Variants in SLIT3 observed in about 807,000 individuals in gnomAD.
The protein encoded by SLIT3 is slit guidance ligand 3.
SLIT3 carries 68 observed loss-of-function variants against 184.0 expected under a neutral mutation model. The ratio of observed to expected loss-of-function variants is 0.37; its 90% CI spans 0.30 to 0.45. The LOEUF is 0.45. SLIT3 is among the 20% of genes least tolerant of loss of function. The pLI, the probability that SLIT3 is intolerant of heterozygous loss-of-function variation, is 1.00. For missense variants in SLIT3, 1,707 were observed against 2,026.0 expected (o/e 0.84, Z 3.02); for synonymous variants, 831 against 828.6 (o/e 1.00, Z -0.05).
chr5:169,265,563 AG>A (rs1766365755), intron 1 of SLIT3, among the ~76,000 whole-genome samples: 1 of 152,196 alleles, frequency 6.6e-6, no homozygotes, highest in Non-Finnish European at 1.5e-5. Flanking sequence ...TTAAGGTGGC[AG>A]GCCCTAGAAT....
chr5:168,962,337 T>TAC (rs1194030123), intron 4 of SLIT3, among the ~76,000 whole-genome samples: 15 of 87,960 alleles, frequency 1.7e-4, no homozygotes, highest in African/African-American at 4.4e-4. Flanking sequence ...CACACACACA[T>TAC]ACACACACAC....
intron 3 of SLIT3, among the ~76,000 whole-genome samples, chr5:169,226,338 C>T (rs1389243494): frequency 6.6e-6 from 1 of 152,070 alleles, no homozygotes. Flanking sequence ...TCTGCAGCCC[C>T]TTTTCTTCCC....
intron 29 of SLIT3, among the ~76,000 whole-genome samples, chr5:168,688,642 A>G (rs1761816666): frequency 6.6e-6 from 1 of 152,234 alleles, no homozygotes; most frequent in African/African-American, 2.4e-5. Flanking sequence ...GATCTGACCA[A>G]TTCACGTTTA....
chr5:169,179,614 G>A (rs958433715), intron 4 of SLIT3, among the ~76,000 whole-genome samples: 2 of 150,196 alleles, frequency 1.3e-5, no homozygotes, highest in Admixed American at 1.3e-4. Context: ...CCCACTGTTG[G>A]AGTATGAAAT....
intron 5 of SLIT3, among the ~76,000 whole-genome samples, chr5:168,857,019 T>C (rs1487982797): frequency 6.6e-6 from 1 of 151,818 alleles, no homozygotes; most frequent in Non-Finnish European, 1.5e-5. Flanking sequence ...TAGTTTTCCT[T>C]CATGCTGTCT....
At chr5:169,172,911 A>C (rs945357585) in intron 4 of SLIT3, among the ~76,000 whole-genome samples, 2 of 152,320 alleles carry the variant, frequency 1.3e-5, no homozygotes, top group East Asian at 3.9e-4. Context: ...GAGCTAGAAG[A>C]AGTCTTTCTA....
chr5:168,700,828 G>A, intron 26 of SLIT3, 149 bp from the exon 27 acceptor site: 1 of 628,302 alleles, frequency 1.6e-6, no homozygotes, highest in Non-Finnish European at 2.9e-6. Flanking sequence ...TGTGTGACTT[G>A]GAGCCCACCC....
chr5:168,818,086 C>A (rs775573764), intron 7 of SLIT3, among the ~76,000 whole-genome samples: 3 of 152,118 alleles, frequency 2.0e-5, no homozygotes, highest in Non-Finnish European at 2.9e-5. Context: ...TCTTTCCACC[C>A]TCCCACTTAA....
At chr5:169,116,266 G>A (rs1363158650) in intron 4 of SLIT3, among the ~76,000 whole-genome samples, 1 of 152,226 alleles carries the variant, frequency 6.6e-6, no homozygotes, top group Non-Finnish European at 1.5e-5. Context: ...GCAGAGAGGT[G>A]AGCAGACAGG....
At chr5:168,922,021 C>A (rs1761651520) in intron 4 of SLIT3, among the ~76,000 whole-genome samples, 1 of 152,130 alleles carries the variant, frequency 6.6e-6, no homozygotes, top group Admixed American at 6.6e-5. Context: ...CATATACCAA[C>A]CATGCAAGGT....
chr5:168,922,089 C>T (rs1029632888), intron 4 of SLIT3, among the ~76,000 whole-genome samples: 19 of 152,124 alleles, frequency 1.2e-4, no homozygotes, highest in Non-Finnish European at 2.1e-4. Context: ...AAGTAACTGG[C>T]CCCATGCTGC....
At chr5:169,206,092 C>T (rs1160583039) in intron 3 of SLIT3, among the ~76,000 whole-genome samples, 1 of 152,178 alleles carries the variant, frequency 6.6e-6, no homozygotes, top group Non-Finnish European at 1.5e-5. Flanking sequence ...CTAACTTTCT[C>T]TTTTTCCATG....
chr5:168,710,709 C>T (rs193066142), intron 25 of SLIT3, among the ~76,000 whole-genome samples, 186 bp downstream of exon 25: 40 of 152,308 alleles, frequency 2.6e-4, no homozygotes, highest in African/African-American at 8.9e-4. Context: ...GAGAGAATGA[C>T]ACTTGGCCCA....
chr5:169,251,737 A>G (rs1423348843), intron 1 of SLIT3, among the ~76,000 whole-genome samples: 1 of 151,748 alleles, frequency 6.6e-6, no homozygotes, highest in African/African-American at 2.4e-5. Flanking sequence ...CCCTCCCCCA[A>G]CTCTCAGATC....
At chr5:169,195,678 C>T (rs1347527467) in intron 3 of SLIT3, among the ~76,000 whole-genome samples, 2 of 152,132 alleles carry the variant, frequency 1.3e-5, no homozygotes, top group African/African-American at 4.8e-5. Context: ...AGGTACACAC[C>T]ACCATGCCTG....
chr5:168,919,896 G>A (rs145506297), intron 4 of SLIT3, among the ~76,000 whole-genome samples: 12 of 152,188 alleles, frequency 7.9e-5, no homozygotes, highest in Admixed American at 7.9e-4. Context: ...AGGTTTTGAT[G>A]TACACTCAAT....
chr5:169,275,740 T>C (rs138949209), intron 1 of SLIT3, among the ~76,000 whole-genome samples: 1,771 of 152,282 alleles, frequency 0.012, 49 homozygotes, highest in African/African-American at 0.04. Flanking sequence ...CCAGCCCCCA[T>C]GATTCAATTA....
intron 3 of SLIT3, among the ~76,000 whole-genome samples, chr5:169,205,592 T>A (rs1764041177): frequency 6.6e-6 from 1 of 152,324 alleles, no homozygotes; most frequent in African/African-American, 2.4e-5. Context: ...GGTTCATCGG[T>A]TGGTTGGTTC....
intron 4 of SLIT3, among the ~76,000 whole-genome samples, chr5:168,925,182 C>T (rs1204784641): frequency 6.6e-6 from 1 of 152,206 alleles, no homozygotes; most frequent in Non-Finnish European, 1.5e-5. Context: ...AATTCTGTAG[C>T]AAAAGACAAA....
Sources: allele counts gnomAD v4.1 joint callset (sites outside exome capture counted in the v4.1 genomes callset), GRCh38; gene constraint gnomAD v4.1.1; transcripts MANE v1.5; gene names NCBI Gene and HGNC (gene_info 2026-07-23, HGNC 2026-07-21).